FAM120C: variants seen among roughly 807,000 people sequenced by gnomAD.
FAM120C encodes family with sequence similarity 120 member C, also known as constitutive coactivator of PPAR-gamma-like protein 2.
FAM120C carries 14 observed loss-of-function variants against 71.2 expected under a neutral mutation model. The observed-to-expected ratio is 0.20, with a 90% CI of 0.13 to 0.31. FAM120C has a LOEUF of 0.31. Ranked by LOEUF, FAM120C falls within the 10% of genes least tolerant of loss-of-function variation. The probability of loss-of-function intolerance (pLI) is 1.00; values close to 1 mark genes in which losing one functional copy is unlikely to be tolerated. For synonymous variants in FAM120C, 354 were observed against 353.2 expected (o/e 1.00, Z -0.03); for missense variants, 500 against 879.0 (o/e 0.57, Z 5.45).
intron 9 of FAM120C, among the ~76,000 whole-genome samples, chrX:54,124,440 G>A (rs1320727151): frequency 7.6e-5 from 5 of 65,551 alleles, no homozygotes; most frequent in Non-Finnish European, 1.2e-4. Flanking sequence ...TTCTTAAGCC[G>A]GTCTGAAAAG....
chrX:54,137,258 T>C (rs1312055154), intron 4 of FAM120C, among the ~76,000 whole-genome samples: 2 of 111,606 alleles, frequency 1.8e-5, no homozygotes, highest in Non-Finnish European at 3.8e-5. Flanking sequence ...CGGCCAATTT[T>C]TTTTTATTTT....
At position 54,091,220 on chromosome X, in the gene FAM120C, C is replaced by T. The variant is rs782565868; in HGVS notation, c.2427+92G>A. The T allele has an allele frequency of 1.9e-4, 101 of 545,112 alleles. No homozygotes were observed. The African/African-American group carries it at 2.1e-3, about 11-fold the overall frequency. 44.9% of individuals were successfully genotyped at this position (545,112 alleles called of 1,213,427 possible). A position where few individuals can be genotyped will look rare whatever the true frequency, so the allele number is the denominator to read the frequency against. Reference sequence around the variant, plus strand: ...ATCAAACAGTTACCTGCAGAACTTACTATTTTCCTCAGCTTCAGGAAAAAA... The same window carrying T: ...ATCAAACAGTTACCTGCAGAACTTATTATTTTCCTCAGCTTCAGGAAAAAA... On this transcript the variant is annotated intron_variant, in intron 11 of 15. Coordinates refer to ENST00000375180, the MANE Select transcript of FAM120C (RefSeq NM_017848.6).
chrX:54,075,600 C>T (rs1162280821), intron 15 of FAM120C, among the ~76,000 whole-genome samples: 1 of 108,536 alleles, frequency 9.2e-6, no homozygotes, highest in Non-Finnish European at 1.9e-5. Flanking sequence ...GGTTGAGCAC[C>T]AGCCTGACCA....
At chrX:54,084,862 A>G (rs2066786055) in intron 13 of FAM120C, among the ~76,000 whole-genome samples, 1 of 111,992 alleles carries the variant, frequency 8.9e-6, no homozygotes, top group South Asian at 3.7e-4. Context: ...GTTTGTGTGT[A>G]CATATGTGTG....
At chrX:54,172,738 C>G (rs2067294714) in intron 1 of FAM120C, among the ~76,000 whole-genome samples, 1 of 111,287 alleles carries the variant, frequency 9.0e-6, no homozygotes, top group Non-Finnish European at 1.9e-5. Context: ...CATAAGCTCC[C>G]CCACCTTTCC....
intron 12 of FAM120C, 67 bp downstream of exon 12, chrX:54,087,688 C>G: frequency 9.6e-7 from 1 of 1,040,189 alleles, no homozygotes; most frequent in Non-Finnish European, 1.3e-6. Context: ...CTGCTCCTTT[C>G]CCCTCCCTGC....
At chrX:54,166,221 C>T (rs1202637747) in intron 1 of FAM120C, among the ~76,000 whole-genome samples, 1 of 111,830 alleles carries the variant, frequency 8.9e-6, no homozygotes, top group Non-Finnish European at 1.9e-5. Context: ...TGATGTTTCA[C>T]GTACAAGATT....
rs192927291 is a variant in FAM120C at position 54,069,284 on chromosome X, T to G, written c.*3749A>C. The G allele has an allele frequency of 9.1e-6, 1 of 110,135 alleles. No homozygotes were observed. Among genetic ancestry groups the G allele is most frequent in the Non-Finnish European group, 1.9e-5 (1 of 52,711 alleles). 9.1% of individuals were successfully genotyped at this position (110,135 alleles called of 1,213,427 possible). A position where few individuals can be genotyped will look rare whatever the true frequency, so the allele number is the denominator to read the frequency against. On this transcript the variant is annotated 3_prime_UTR_variant, in exon 16 of 16. Coordinates refer to ENST00000375180, the MANE Select transcript of FAM120C (RefSeq NM_017848.6). Reference sequence around the variant, plus strand: ...GCCAAAGTCACAGGATGGAGAAAAATATAAGATGACACGCAATGGAACAGT... The same window carrying G: ...GCCAAAGTCACAGGATGGAGAAAAAGATAAGATGACACGCAATGGAACAGT...
At chrX:54,088,434 A>G (rs1355588277) in intron 11 of FAM120C, among the ~76,000 whole-genome samples, 1 of 108,294 alleles carries the variant, frequency 9.2e-6, no homozygotes, top group Non-Finnish European at 1.9e-5. Context: ...TCTACTAAAA[A>G]TACAAAAATT....
At position 54,157,721 on chromosome X, in the gene FAM120C, A is replaced by G; in HGVS notation, c.997T>C (p.Leu333=). The change falls in exon 3 of 16, where the codon TTG becomes CTG. Residue 333 remains leucine, a synonymous_variant. Transcript: ENST00000375180. ...EDLAAFHWSL[L]GPEHPLASLK... is the part of the protein sequence containing the mutation. ...GATGCAAGAGGATGTTCTGGTCCCAAGAGGCTCCAGTGAAAAGCAGCCAGG... is the reference window on the plus strand; with the variant it reads ...GATGCAAGAGGATGTTCTGGTCCCAGGAGGCTCCAGTGAAAAGCAGCCAGG... 8.3e-7 allele frequency: 1 copy of G among 1,209,827 alleles called. No individual in the cohort carries two copies. Among genetic ancestry groups the G allele is most frequent in the Non-Finnish European group, 1.1e-6 (1 of 893,900 alleles).
At chrX:54,124,626 C>T (rs2067016052) in intron 9 of FAM120C, among the ~76,000 whole-genome samples, 1 of 101,155 alleles carries the variant, frequency 9.9e-6, no homozygotes, top group Middle Eastern at 5.2e-3. Flanking sequence ...TCTGGCACTC[C>T]CTAGTGAGAT....
chrX:54,080,257 T>A lies in FAM120C; in HGVS notation c.3011A>T (p.Lys1004Met). 1 of 1,209,959 alleles carries A rather than the reference T, an allele frequency of 8.3e-7. No homozygotes were observed. The highest frequency in any genetic ancestry group is 1.8e-5 in the South Asian group (1 of 56,733). ...HGKEQTGRGS[K>M]GHKKGNKQGS... is the part of the protein sequence containing the mutation. ...TTGCTTATTTCCTTTTTTGTGTCCCTTGGATCCTCTACCAGTCTGTTCTTT... is the reference window on the plus strand; with the variant it reads ...TTGCTTATTTCCTTTTTTGTGTCCCATGGATCCTCTACCAGTCTGTTCTTT... The change falls in exon 15 of 16, where the codon AAG (lysine) becomes ATG (methionine). Residue 1004 changes from lysine (K) to methionine (M), a missense_variant. Lys to Met is a moderately conservative substitution (Grantham distance 95). This residue lies in a region of FAM120C where 85 missense variants were observed against 96.1 expected (regional missense o/e 0.88). Coordinates refer to ENST00000375180, the MANE Select transcript of FAM120C (RefSeq NM_017848.6).
chrX:54,107,387 G>A (rs782149589), intron 10 of FAM120C, among the ~76,000 whole-genome samples: 5 of 110,145 alleles, frequency 4.5e-5, no homozygotes, highest in East Asian at 2.9e-4. Context: ...ATGAGGCACC[G>A]CACCAGCCTA....
Position 54,159,530 on chromosome X carries a change from G to A in FAM120C, c.786C>T (p.Ser262=), listed in dbSNP as rs1388220058. 4.1e-6 allele frequency: 5 copies of A among 1,208,486 alleles called. No individual in the cohort carries two copies. The highest frequency in any genetic ancestry group is 1.8e-5 in the African/African-American group (1 of 56,844). The stretch of plus-strand genomic sequence containing the variant: ...AGGGAATATTGTAGAGAGCATACTC[G>A]GAGTCATGGGCAAGAAGGCCATGGA... ...NGFHGLLAHD[S]EYALYNIPSY... Residue 262 remains serine, a synonymous_variant, in exon 2 of 16, where the codon TCC becomes TCT. Transcript: ENST00000375180.
intron 15 of FAM120C, among the ~76,000 whole-genome samples, chrX:54,078,100 C>T (rs1437849077): frequency 4.8e-5 from 5 of 104,507 alleles, no homozygotes; most frequent in Non-Finnish European, 5.9e-5. Flanking sequence ...CCCGCTACCA[C>T]GCCCGGCTAA....
intron 10 of FAM120C, among the ~76,000 whole-genome samples, chrX:54,103,304 C>A (rs1214631387): frequency 9.0e-6 from 1 of 110,961 alleles, no homozygotes; most frequent in Non-Finnish European, 1.9e-5. Context: ...TTTCCTGTCA[C>A]CAAGATAGTT....
At chrX:54,101,224 T>C (rs1557124106) in intron 10 of FAM120C, among the ~76,000 whole-genome samples, 1 of 111,400 alleles carries the variant, frequency 9.0e-6, no homozygotes, top group African/African-American at 3.3e-5. Flanking sequence ...CCTGGGTCCA[T>C]GTGAGATATG....
chrX:54,114,417 A>AG (rs1557126308), intron 10 of FAM120C, among the ~76,000 whole-genome samples: 2 of 110,350 alleles, frequency 1.8e-5, no homozygotes, highest in African/African-American at 6.6e-5. Flanking sequence ...ATAAAAATAA[A>AG]GTTTTTTTTT....
At chrX:54,180,854 A>T (rs782627323) in intron 1 of FAM120C, among the ~76,000 whole-genome samples, 1 of 111,377 alleles carries the variant, frequency 9.0e-6, no homozygotes, top group East Asian at 2.8e-4. Flanking sequence ...AAAACATAGT[A>T]AATATTCCAT....
Sources: gnomAD v4.1 joint callset for allele counts (sites outside exome capture counted in the v4.1 genomes callset) on GRCh38, gnomAD v4.1.1 for gene constraint, gnomAD v4.1.1 regional missense constraint, MANE v1.5 for transcripts, NCBI Gene and HGNC (gene_info 2026-07-23, HGNC 2026-07-21) for gene names.